The following ZNF10 variants were observed in gnomAD, a reference collection of about 807,000 sequenced individuals.
ZNF10 encodes zinc finger protein 10, also known as zinc finger protein 10 (KOX 1).
Under a neutral mutation model 12.2 loss-of-function variants are expected in ZNF10, and 8 were observed. The observed-to-expected ratio is 0.66, with a 90% confidence interval of 0.39 to 1.18. ZNF10 has a LOEUF of 1.18. Among genes scored for constraint, ZNF10 ranks in the 50% most tolerant of loss-of-function variants. ZNF10 has a pLI of 0.01. For missense variants in ZNF10, 603 were observed against 678.9 expected (o/e 0.89, Z 1.24); for synonymous variants, 229 against 228.2 (o/e 1.00, Z -0.03).
rs777385315 is a variant in ZNF10, at chr12:133,156,843, A to G, written c.1597A>G (p.Ile533Val). The change falls in exon 5 of 5, where the codon ATA (isoleucine) becomes GTA (valine). Residue 533 changes from isoleucine to valine, a missense_variant. Ile to Val is a conservative substitution (Grantham distance 29). This residue lies in a region of ZNF10 where 204 missense variants were observed against 262.8 expected (regional missense o/e 0.78). Coordinates refer to ENST00000248211, the MANE Select transcript of ZNF10 (RefSeq NM_015394.5). Reference sequence around the variant, plus strand: ...TATCTTCAGCCAGAACTCTCCATTTATAGTTCATCAAATAGCTCACACTGG... The same window carrying G: ...TATCTTCAGCCAGAACTCTCCATTTGTAGTTCATCAAATAGCTCACACTGG... ...GIIFSQNSPF[I>V]VHQIAHTGEQ... is the part of the protein sequence containing the mutation. 3.9e-6 allele frequency: 6 copies of G among 1,532,338 alleles called. No individual in the cohort carries two copies. Among genetic ancestry groups the G allele is most frequent in the Non-Finnish European group, 5.2e-6 (6 of 1,143,736 alleles). 94.9% of individuals were successfully genotyped at this position (1,532,338 alleles called of 1,614,324 possible).
chr12:133,144,509 T>G lies in ZNF10; in HGVS notation c.17T>G (p.Leu6Arg). 6.2e-7 allele frequency: 1 copy of G among 1,614,010 alleles called. No individual in the cohort carries two copies. Among genetic ancestry groups the G allele is most frequent in the Non-Finnish European group, 8.5e-7 (1 of 1,179,938 alleles). MDAKSLTAWSRTLVTF... is the reference protein window; with the variant it reads MDAKSRTAWSRTLVTF... ...AAGGAGGGCATGGATGCTAAGTCAC[T>G]AACTGCCTGGTCCCGGGTAAGCTGG... Residue 6 changes from leucine (L) to arginine (R), a missense_variant, in exon 2 of 5, where the codon CTA (leucine) becomes CGA (arginine). By Grantham distance (102) the Leu-to-Arg change is moderately radical. This residue lies in a region of ZNF10 where 393 missense variants were observed against 399.7 expected (regional missense o/e 0.98). Transcript: ENST00000248211.
At chr12:133,144,002 C>G (rs1334838645) in intron 1 of ZNF10, 2 of 152,762 alleles carry the variant, frequency 1.3e-5, no homozygotes, top group Non-Finnish European at 2.9e-5. Flanking sequence ...ACACTGCATT[C>G]CATCTTCAAG....
intron 1 of ZNF10, among the ~76,000 whole-genome samples, chr12:133,132,029 C>T (rs902184005): frequency 6.6e-6 from 1 of 152,082 alleles, no homozygotes; most frequent in African/African-American, 2.4e-5. Context: ...AGTAAAGTGA[C>T]TGAAAAGGAA....
chr12:133,157,761 T>C lies in ZNF10; in HGVS notation c.*793T>C, dbSNP rs1302496169. 1 of 152,200 alleles carries C rather than the reference T, an allele frequency of 6.6e-6. No homozygotes were observed. Among genetic ancestry groups the C allele is most frequent in the Non-Finnish European group, 1.5e-5 (1 of 68,028 alleles). The allele number at this position is 152,200 out of a possible 1,614,324, so 9.4% of individuals were successfully genotyped here. A position where few individuals can be genotyped will look rare whatever the true frequency, so the allele number is the denominator to read the frequency against. ...TTGAGTACCACCTGTTAATGAGCTTTCCTATTCTAAATTGTTTTGGGTCAC... is the reference window on the plus strand; with the variant it reads ...TTGAGTACCACCTGTTAATGAGCTTCCCTATTCTAAATTGTTTTGGGTCAC... On this transcript the variant is annotated 3_prime_UTR_variant, in exon 5 of 5. Coordinates refer to ENST00000248211, the MANE Select transcript of ZNF10 (RefSeq NM_015394.5).
At position 133,156,099 on chromosome 12, in the gene ZNF10, C is replaced by T. The variant is rs188553316; in HGVS notation, c.853C>T (p.Leu285Phe). ...SWRSNLTRHQLIHTGEKPYEC... is the reference protein window; with the variant it reads ...SWRSNLTRHQFIHTGEKPYEC... Reference sequence around the variant, plus strand: ...GCGCTCTAATCTTACTAGGCATCAGCTTATTCATACTGGAGAAAAACCCTA... The same window carrying T: ...GCGCTCTAATCTTACTAGGCATCAGTTTATTCATACTGGAGAAAAACCCTA... The change falls in exon 5 of 5, where the codon CTT (leucine) becomes TTT (phenylalanine). Residue 285 changes from leucine (L) to phenylalanine (F), a missense_variant. By Grantham distance (22) the Leu-to-Phe change is conservative. Transcript: ENST00000248211. The T allele has an allele frequency of 1.9e-6, 3 of 1,613,384 alleles. No individual in the cohort carries two copies. The highest frequency in any genetic ancestry group is 3.3e-5 in the Admixed American group (2 of 60,010).
chr12:133,135,482 C>G (rs1356271643), intron 1 of ZNF10, among the ~76,000 whole-genome samples: 1 of 152,190 alleles, frequency 6.6e-6, no homozygotes, highest in Non-Finnish European at 1.5e-5. Flanking sequence ...GTTATATGAG[C>G]TGAGCCTACC....
chr12:133,138,157 A>G (rs994626657), intron 1 of ZNF10, among the ~76,000 whole-genome samples: 1 of 152,098 alleles, frequency 6.6e-6, no homozygotes, highest in Non-Finnish European at 1.5e-5. Flanking sequence ...GCGTGCAGCC[A>G]GAGTTTAAAA....
At chr12:133,140,856 G>A (rs1164920825) in intron 1 of ZNF10, among the ~76,000 whole-genome samples, 1 of 152,058 alleles carries the variant, frequency 6.6e-6, no homozygotes, top group East Asian at 1.9e-4. Flanking sequence ...AAAGCAATAT[G>A]GCTTCTGTAA....
chr12:133,152,572 C>A (rs1053067951), intron 4 of ZNF10, among the ~76,000 whole-genome samples: 4 of 152,118 alleles, frequency 2.6e-5, no homozygotes, highest in Non-Finnish European at 5.9e-5. Flanking sequence ...TGCACCACCA[C>A]GCCCAGCTAA....
chr12:133,135,261 C>G (rs1955904418), intron 1 of ZNF10, among the ~76,000 whole-genome samples: 2 of 152,138 alleles, frequency 1.3e-5, no homozygotes, highest in Non-Finnish European at 2.9e-5. Flanking sequence ...CAGACTACCT[C>G]TCATCTTTTG....
At chr12:133,148,219 G>A (rs890989788) in intron 2 of ZNF10, among the ~76,000 whole-genome samples, 4 of 151,782 alleles carry the variant, frequency 2.6e-5, no homozygotes, top group Admixed American at 2.6e-4. Context: ...CTCCAGCGTC[G>A]AAGCGATTCT....
At chr12:133,148,382 G>A (rs1459269863) in intron 2 of ZNF10, among the ~76,000 whole-genome samples, 3 of 152,116 alleles carry the variant, frequency 2.0e-5, no homozygotes, top group Admixed American at 6.5e-5. Flanking sequence ...TGGCCTCCCA[G>A]AGTGCTGGGA....
rs117405538 is a variant in ZNF10 at position 133,137,381 on chromosome 12, G to T, written c.-60+6627G>T. 1.3e-4 allele frequency among the ~76,000 whole-genome samples: 20 copies of T among 152,258 alleles called. No individual in the cohort carries two copies. The East Asian group carries it at 3.9e-3, about 29-fold the overall frequency. The stretch of plus-strand genomic sequence containing the variant: ...CTTGGCTGGCTGTGACCTAGATCTG[G>T]CTTTGCACACCTCTGGCCCTGTTTC... On this transcript the variant is annotated intron_variant, in intron 1 of 4. Transcript: ENST00000248211.
chr12:133,146,450 T>C (rs1955976645), intron 2 of ZNF10, among the ~76,000 whole-genome samples: 1 of 152,202 alleles, frequency 6.6e-6, no homozygotes, highest in Non-Finnish European at 1.5e-5. Flanking sequence ...GGACATTCCA[T>C]TTAAAATTTT....
At chr12:133,147,758 G>A (rs980242126) in intron 2 of ZNF10, among the ~76,000 whole-genome samples, 1 of 151,636 alleles carries the variant, frequency 6.6e-6, no homozygotes, top group African/African-American at 2.4e-5. Context: ...TGGGACTACA[G>A]GTGCATGACG....
chr12:133,151,678 C>G, intron 3 of ZNF10, 131 bp from the exon 4 acceptor site: 1 of 531,350 alleles, frequency 1.9e-6, no homozygotes. Context: ...GTTTTCCTGC[C>G]TCTGTCAACT....
chr12:133,132,091 T>C (rs558954379), intron 1 of ZNF10, among the ~76,000 whole-genome samples: 4 of 152,190 alleles, frequency 2.6e-5, no homozygotes, highest in Non-Finnish European at 5.9e-5. Context: ...GCACATACTT[T>C]TATTTTTAAA....
intron 2 of ZNF10, among the ~76,000 whole-genome samples, chr12:133,147,917 C>T (rs1027608549): frequency 1.2e-4 from 18 of 151,822 alleles, no homozygotes; most frequent in African/African-American, 4.1e-4. Flanking sequence ...TCTGGGATTA[C>T]AGGTGTGAAC....
chr12:133,150,550 T>C (rs1956000853), intron 2 of ZNF10, among the ~76,000 whole-genome samples: 1 of 151,734 alleles, frequency 6.6e-6, no homozygotes, highest in Non-Finnish European at 1.5e-5. Context: ...TGCTAAAATA[T>C]AATCTCCCAA....
Sources: gnomAD v4.1 joint callset for allele counts (sites outside exome capture counted in the v4.1 genomes callset) on GRCh38, gnomAD v4.1.1 for gene constraint, gnomAD v4.1.1 regional missense constraint, MANE v1.5 for transcripts, NCBI Gene and HGNC (gene_info 2026-07-23, HGNC 2026-07-21) for gene names.